CCND3: variants seen among roughly 807,000 people sequenced by gnomAD.
CCND3 encodes cyclin D3.
A neutral mutation model predicts 28.7 loss-of-function variants in CCND3; 9 were observed. That is an observed-to-expected ratio of 0.31 (90% confidence interval 0.19 to 0.55). The LOEUF is 0.55. Among genes scored for constraint, CCND3 ranks in the 20% least tolerant of loss-of-function variants. The pLI is 0.93. For synonymous variants in CCND3, 164 were observed against 163.9 expected, an observed-to-expected ratio of 1.00 and a Z score of 0.00; for missense variants, 315 against 385.8, an observed-to-expected ratio of 0.82 and a Z score of 1.54.
At position 41,936,571 on chromosome 6, in the gene CCND3, A is replaced by C; in HGVS notation, c.699T>G (p.Thr233=). 12 of 1,614,186 alleles carry C rather than the reference A, an allele frequency of 7.4e-6. No homozygotes were observed. The highest frequency in any genetic ancestry group is 1.0e-5 in the Non-Finnish European group (12 of 1,180,024). Residue 233 remains threonine (T), a synonymous_variant, in exon 4 of 5, where the codon ACT becomes ACG. Coordinates refer to ENST00000372991, the MANE Select transcript of CCND3 (RefSeq NM_001760.5). This position sits in a 1 kb window ranked among gnomAD's most constrained non-coding sequence, Gnocchi z 4.4. ...ACCCAGCACTCACCACTTCAGTGCC[A>C]GTGATCCCTGCCAGCAGCTCTGTGA... The part of the protein sequence containing the change: ...DELTELLAGI[T]GTEVDCLRAC...
intron 1 of CCND3, among the ~76,000 whole-genome samples, chr6:42,002,128 A>AG (rs397785823): frequency 3.3e-5 from 5 of 149,392 alleles, no homozygotes; most frequent in Non-Finnish European, 7.4e-5. Context: ...AAAAAAAAAA[A>AG]TTCATAGAAC....
At chr6:42,017,569 C>T (rs1763560337) in intron 1 of CCND3, among the ~76,000 whole-genome samples, 1 of 152,334 alleles carries the variant, frequency 6.6e-6, no homozygotes, top group African/African-American at 2.4e-5. Flanking sequence ...ACAAGATCCA[C>T]TACTGCCATG....
chr6:41,938,986 G>A lies in CCND3; in HGVS notation c.414+1384C>T, dbSNP rs3218091. Among the ~76,000 whole-genome samples the A allele has an allele frequency of 6.4e-3, 981 of 152,184 alleles. 11 individuals carry two copies. The highest frequency in any genetic ancestry group is 0.022 in the African/African-American group (928 of 41,500). ...TGCCTGTACTGAAAAACCCTCATAC[G>A]TGGGCACACAAACCACCTCCATCTT... On this transcript the variant is annotated intron_variant, in intron 2 of 4. Coordinates refer to ENST00000372991, the MANE Select transcript of CCND3 (RefSeq NM_001760.5). The surrounding 1 kb of genome is among the most constrained non-coding windows in gnomAD (Gnocchi z 4.6).
chr6:41,935,601 T>G lies in CCND3; in HGVS notation c.*339A>C. ...TAGAGCATTTTGGCAGTTGAAAACA[T>G]GAGAGCCCCCAGGGGTGGGGGGGGG... On this transcript the variant is annotated 3_prime_UTR_variant, in exon 5 of 5. Coordinates refer to ENST00000372991, the MANE Select transcript of CCND3 (RefSeq NM_001760.5). The G allele has an allele frequency of 4.3e-6, 2 of 460,492 alleles. No individual in the cohort carries two copies. The highest frequency in any genetic ancestry group is 4.8e-5 in the South Asian group (1 of 20,970). The allele number at this position is 460,492 out of a possible 1,614,324, so 28.5% of individuals were successfully genotyped here.
Position 41,955,843 on chromosome 6 carries a change from A to G in CCND3, c.-45-15258T>C, listed in dbSNP as rs541034514. 3.7e-4 allele frequency among the ~76,000 whole-genome samples: 56 copies of G among 152,100 alleles called. No individual in the cohort carries two copies. In the South Asian group the frequency reaches 0.011, roughly 30 times the overall value. ...GGTGCATGCCTGCAGTCTCAGCTAC[A>G]TGGGAGGCTGAGGCAGGAAAATTGC... is the stretch of plus-strand genomic sequence containing the variant. On this transcript the variant is annotated intron_variant, in intron 1 of 4. Coordinates refer to the CCND3 transcript ENST00000372988.
chr6:41,952,352 G>A (rs140323659), intron 1 of CCND3, among the ~76,000 whole-genome samples: 84 of 152,314 alleles, frequency 5.5e-4, no homozygotes, highest in African/African-American at 1.3e-3. Flanking sequence ...AAGGGACAGA[G>A]GCCAGTGAAG....
chr6:41,950,708 T>C (rs1047470594), intron 1 of CCND3, among the ~76,000 whole-genome samples: 1 of 144,348 alleles, frequency 6.9e-6, no homozygotes, highest in African/African-American at 2.4e-5. Flanking sequence ...CTCCCTTTTT[T>C]TTTTCTTTTT....
At chr6:42,003,317 G>A (rs183903778) in intron 1 of CCND3, among the ~76,000 whole-genome samples, 58 of 151,762 alleles carry the variant, frequency 3.8e-4, no homozygotes, top group African/African-American at 1.4e-3. Flanking sequence ...CCTGAGGTCA[G>A]GAGTTTGAGA....
At chr6:41,946,351 C>T (rs561509578), upstream of CCND3, among the ~76,000 whole-genome samples, 5 of 151,896 alleles carry the variant, frequency 3.3e-5, no homozygotes, top group African/African-American at 1.2e-4. Flanking sequence ...AATCCTAGCA[C>T]GTTGGGAGGC....
At position 42,048,682 on chromosome 6, in the gene CCND3, A is replaced by AGGG. The variant is rs1764621416; in HGVS notation, c.-228_-227insCCC. On this transcript the variant is annotated 5_prime_UTR_variant, in exon 1 of 5. Transcript: ENST00000372988. This position sits in a 1 kb window ranked among gnomAD's most constrained non-coding sequence, Gnocchi z 4.7. ...CCAGTCTCCACCCCTGCAGTGGCGAAGTGTTTACAAAGTCCGCGCCGCGCC... is the reference window on the plus strand; with the variant it reads ...CCAGTCTCCACCCCTGCAGTGGCGAAGGGGTGTTTACAAAGTCCGCGCCGCGCC... 1.9e-6 allele frequency: 1 copy of AGGG among 517,900 alleles called. No individual in the cohort carries two copies. The highest frequency in any genetic ancestry group is 1.9e-5 in the African/African-American group (1 of 51,926). 32.1% of individuals were successfully genotyped at this position (517,900 alleles called of 1,614,324 possible). A position where few individuals can be genotyped will look rare whatever the true frequency, so the allele number is the denominator to read the frequency against.
intron 1 of CCND3, among the ~76,000 whole-genome samples, chr6:41,968,868 C>A (rs1761958338): frequency 6.6e-6 from 1 of 152,034 alleles, no homozygotes; most frequent in Admixed American, 6.6e-5. Context: ...TGCAGTGGTG[C>A]GATCTCTGCT....
chr6:41,998,433 C>T (rs1762880787), intron 1 of CCND3, among the ~76,000 whole-genome samples: 1 of 151,270 alleles, frequency 6.6e-6, no homozygotes, highest in Non-Finnish European at 1.5e-5. Context: ...ACCGCAACCT[C>T]CACCTCCCGG....
In CCND3 at chr6:41,940,491, T is replaced by C; in HGVS notation, c.293A>G (p.Gln98Arg). 2 of 1,614,084 alleles carry C rather than the reference T, an allele frequency of 1.2e-6. No homozygotes were observed. Among genetic ancestry groups the C allele is most frequent in the Non-Finnish European group, 1.7e-6 (2 of 1,180,000 alleles). Residue 98 changes from glutamine to arginine, a missense_variant, in exon 2 of 5, where the codon CAG (glutamine) becomes CGG (arginine). By Grantham distance (43) the Gln-to-Arg change is conservative. Transcript: ENST00000372991. The part of the protein sequence containing the change: ...YLSCVPTRKA[Q>R]LQLLGAVCML... ...GCAGACCGCACCCAGGAGCTGCAAC[T>C]GCGCCTTTCGGGTGGGGACGCAAGA...
chr6:41,963,529 C>G lies in CCND3; in HGVS notation c.-45-22944G>C, dbSNP rs79379366. On this transcript the variant is annotated intron_variant, in intron 1 of 4. Transcript: ENST00000372988. ...AGACCACAGAAATGAATACACAAAGCAGAAAAGCAGAGGCAACAAGTGAAG... is the reference window on the plus strand; with the variant it reads ...AGACCACAGAAATGAATACACAAAGGAGAAAAGCAGAGGCAACAAGTGAAG... 1.6e-3 allele frequency among the ~76,000 whole-genome samples: 247 copies of G among 152,308 alleles called. 1 individual carries two copies. Among genetic ancestry groups the G allele is most frequent in the Non-Finnish European group, 2.8e-3 (191 of 68,022 alleles).
At chr6:41,964,162 G>A (rs772751049) in intron 1 of CCND3, among the ~76,000 whole-genome samples, 21 of 152,222 alleles carry the variant, frequency 1.4e-4, no homozygotes, top group Non-Finnish European at 2.2e-4. Context: ...CTCCTGCTGA[G>A]AGCATGCCAC....
At chr6:41,993,411 T>C (rs1173323032) in intron 1 of CCND3, among the ~76,000 whole-genome samples, 1 of 2,122 alleles carries the variant, frequency 4.7e-4, no homozygotes, top group Non-Finnish European at 2.8e-3. Flanking sequence ...TCATGTCTTC[T>C]TTTTTTTTTT....
intron 1 of CCND3, among the ~76,000 whole-genome samples, chr6:42,014,324 C>T (rs1763432471): frequency 1.3e-5 from 2 of 150,288 alleles, no homozygotes; most frequent in Non-Finnish European, 3.0e-5. Context: ...GCCGAGATGG[C>T]GCCACTGCAC....
At chr6:41,952,248 C>G (rs1454290953) in intron 1 of CCND3, among the ~76,000 whole-genome samples, 1 of 152,202 alleles carries the variant, frequency 6.6e-6, no homozygotes, top group Non-Finnish European at 1.5e-5. Flanking sequence ...TTGGGCTTCC[C>G]AGAAGCAGAC....
At chr6:42,043,238 C>T (rs1412089384) in intron 1 of CCND3, among the ~76,000 whole-genome samples, 3 of 152,090 alleles carry the variant, frequency 2.0e-5, no homozygotes, top group African/African-American at 4.8e-5. Flanking sequence ...ACTATCTCTA[C>T]AAAAAACTAG....
Sources: allele counts gnomAD v4.1 joint callset (sites outside exome capture counted in the v4.1 genomes callset), GRCh38; gene constraint gnomAD v4.1.1; non-coding constraint Gnocchi (gnomAD v3.1); transcripts MANE v1.5; gene names NCBI Gene and HGNC (gene_info 2026-07-23, HGNC 2026-07-21).